ITGA9: variants seen among roughly 807,000 people sequenced by gnomAD.
ITGA9 encodes the protein integrin alpha-9.
ITGA9 carries 56 observed loss-of-function variants against 127.8 expected under a neutral mutation model. The observed-to-expected ratio is 0.44, with a 90% CI of 0.35 to 0.55. ITGA9 has a LOEUF of 0.55. ITGA9 is among the 20% of genes least tolerant of loss of function. The probability of loss-of-function intolerance (pLI) is 0.00; values close to 1 mark genes in which losing one functional copy is unlikely to be tolerated. For missense variants in ITGA9, 1,196 were observed against 1,347.1 expected (o/e 0.89, Z 1.76); for synonymous variants, 508 against 514.5 (o/e 0.99, Z 0.17).
intron 19 of ITGA9, among the ~76,000 whole-genome samples, chr3:37,733,303 G>A (rs1696319498): frequency 6.6e-6 from 1 of 152,026 alleles, no homozygotes; most frequent in African/African-American, 2.4e-5. Context: ...TTTGGTATTG[G>A]TATGGAGACA....
chr3:37,687,581 A>G (rs1050010764), intron 18 of ITGA9, among the ~76,000 whole-genome samples: 2 of 152,222 alleles, frequency 1.3e-5, no homozygotes, highest in South Asian at 4.1e-4. Flanking sequence ...TGAAATTTTT[A>G]ATTTTAAGGA....
At chr3:37,678,849 G>A (rs139367878) in intron 17 of ITGA9, among the ~76,000 whole-genome samples, 1 of 152,186 alleles carries the variant, frequency 6.6e-6, no homozygotes. Context: ...CTAATGTACA[G>A]TGATGAATGA....
intron 3 of ITGA9, among the ~76,000 whole-genome samples, chr3:37,476,960 C>T (rs1210605065): frequency 2.6e-5 from 4 of 151,968 alleles, no homozygotes; most frequent in Non-Finnish European, 5.9e-5. Flanking sequence ...AAATTAGTTG[C>T]CATCTTTTCT....
intron 17 of ITGA9, among the ~76,000 whole-genome samples, chr3:37,679,220 AAG>A: frequency 6.6e-6 from 1 of 150,690 alleles, no homozygotes; most frequent in Admixed American, 6.6e-5. Flanking sequence ...TTAAAATAAA[AAG>A]GGAAATTTCT....
chr3:37,587,263 C>T (rs866712812), intron 15 of ITGA9, among the ~76,000 whole-genome samples: 3 of 152,164 alleles, frequency 2.0e-5, no homozygotes, highest in Non-Finnish European at 4.4e-5. Flanking sequence ...CCATAGACCC[C>T]GAAACATGCA....
intron 15 of ITGA9, among the ~76,000 whole-genome samples, chr3:37,592,416 G>A (rs2125615790): frequency 6.6e-6 from 1 of 152,246 alleles, no homozygotes; most frequent in African/African-American, 2.4e-5. Context: ...TGCCTCCTGG[G>A]GGCAGGAGGA....
intron 15 of ITGA9, among the ~76,000 whole-genome samples, chr3:37,608,078 G>A (rs137953965): frequency 1.3e-5 from 2 of 152,160 alleles, no homozygotes; most frequent in Non-Finnish European, 2.9e-5. Flanking sequence ...ATCTTTGTGC[G>A]CAGCCTGGTT....
At position 37,555,647 on chromosome 3, in the gene ITGA9, A is replaced by C. The variant is rs146035448; in HGVS notation, c.1689+13062A>C. 3.3e-3 allele frequency among the ~76,000 whole-genome samples: 504 copies of C among 152,358 alleles called. 2 individuals carry two copies. The highest frequency in any genetic ancestry group is 5.4e-3 in the Non-Finnish European group (364 of 68,032). On this transcript the variant is annotated intron_variant, in intron 15 of 27. Transcript: ENST00000264741. Reference sequence around the variant, plus strand: ...AGATCAAGCCACACAGCCAAATGGAAATACAAATAATAGATTGAGGTCACA... The same window carrying C: ...AGATCAAGCCACACAGCCAAATGGACATACAAATAATAGATTGAGGTCACA...
chr3:37,547,031 G>C (rs1450567506), intron 15 of ITGA9, among the ~76,000 whole-genome samples: 4 of 152,218 alleles, frequency 2.6e-5, no homozygotes, highest in Non-Finnish European at 5.9e-5. Context: ...GTCTGATGCA[G>C]GGATGGCAGA....
intron 23 of ITGA9, among the ~76,000 whole-genome samples, chr3:37,761,187 A>G (rs1379459496): frequency 1.3e-5 from 2 of 152,242 alleles, no homozygotes; most frequent in African/African-American, 2.4e-5. Context: ...TTTTCTCCTC[A>G]TTAAACTGGC....
intron 27 of ITGA9, among the ~76,000 whole-genome samples, chr3:37,816,370 C>A (rs2125568344): frequency 6.6e-6 from 1 of 152,262 alleles, no homozygotes; most frequent in African/African-American, 2.4e-5. Context: ...ATTATTGACA[C>A]ATTACAACAT....
chr3:37,748,163 T>C, intron 22 of ITGA9: 3 of 466,420 alleles, frequency 6.4e-6, no homozygotes, highest in South Asian at 5.1e-5. Flanking sequence ...TTCTCTAGGC[T>C]TTTTAGAAAA....
intron 5 of ITGA9, among the ~76,000 whole-genome samples, chr3:37,502,482 T>C (rs1698796769): frequency 6.6e-6 from 1 of 152,190 alleles, no homozygotes; most frequent in Non-Finnish European, 1.5e-5. Flanking sequence ...CCCAAAGTGC[T>C]GGGATTACAG....
chr3:37,645,486 C>T (rs941813636), intron 16 of ITGA9, among the ~76,000 whole-genome samples: 2 of 152,100 alleles, frequency 1.3e-5, no homozygotes, highest in African/African-American at 4.8e-5. Flanking sequence ...GAGACTTGAA[C>T]CCAGGAGGTA....
intron 4 of ITGA9, among the ~76,000 whole-genome samples, chr3:37,483,952 TGTTA>T (rs1698582790): frequency 6.6e-6 from 1 of 152,244 alleles, no homozygotes; most frequent in Non-Finnish European, 1.5e-5. Context: ...TGGTAATTTC[TGTTA>T]GTTTGTTTTT....
At chr3:37,473,285 C>G in intron 2 of ITGA9, 69 bp from the exon 3 acceptor site, 1 of 1,209,218 alleles carries the variant, frequency 8.3e-7, no homozygotes. Flanking sequence ...GGCTGTGGAC[C>G]ACCCTTTGAA....
chr3:37,770,545 C>G (rs1187406224), intron 23 of ITGA9, among the ~76,000 whole-genome samples: 2 of 152,206 alleles, frequency 1.3e-5, no homozygotes, highest in African/African-American at 2.4e-5. Context: ...AGCCGTTTAT[C>G]TGACCACCTC....
rs137921218 is a variant in ITGA9, at chr3:37,541,997, C to A, written c.1529-428C>A. ...CCTTGTGTTGGGCATAAACCATGTG[C>A]TTTATAGAAGTCAGTATTACACAAA... is the stretch of plus-strand genomic sequence containing the variant. On this transcript the variant is annotated intron_variant, in intron 14 of 27. Transcript: ENST00000264741. Among the ~76,000 whole-genome samples, 336 of 152,224 alleles carry A rather than the reference C, an allele frequency of 2.2e-3. 2 individuals carry two copies. The highest frequency in any genetic ancestry group is 7.6e-3 in the African/African-American group (316 of 41,520).
intron 7 of ITGA9, 47 bp downstream of exon 7, chr3:37,506,132 G>A (rs746577148): frequency 9.6e-6 from 13 of 1,349,426 alleles, no homozygotes; most frequent in Admixed American, 3.8e-5. Flanking sequence ...CAGAAGAGGG[G>A]AGCATGCTGT....
Sources: allele counts gnomAD v4.1 joint callset (sites outside exome capture counted in the v4.1 genomes callset), GRCh38; gene constraint gnomAD v4.1.1; transcripts MANE v1.5; gene names NCBI Gene and HGNC (gene_info 2026-07-23, HGNC 2026-07-21).